Variants in DYSF observed in about 807,000 individuals in gnomAD.
DYSF encodes the protein dysferlin.
Under a neutral mutation model 274.9 loss-of-function variants are expected in DYSF, and 212 were observed. That is an observed-to-expected ratio of 0.77 (90% CI 0.69 to 0.86). The LOEUF (loss-of-function observed/expected upper bound fraction) is 0.86. Ranked by LOEUF, DYSF falls within the 40% of genes least tolerant of loss-of-function variation. The pLI, the probability that DYSF is intolerant of heterozygous loss-of-function variation, is 0.00. For synonymous variants in DYSF, 1,091 were observed against 1,078.7 expected, an observed-to-expected ratio of 1.01 and a Z score of -0.22; for missense variants, 2,666 against 2,783.2, an observed-to-expected ratio of 0.96 and a Z score of 0.95.
chr2:71,490,370 G>T (rs576067794), intron 3 of DYSF, among the ~76,000 whole-genome samples: 1 of 151,978 alleles, frequency 6.6e-6, no homozygotes, highest in African/African-American at 2.4e-5. Context: ...ACAGAGTTTC[G>T]CTCTCGTTGC....
At chr2:71,517,616 T>G (rs1298697011) in intron 10 of DYSF, among the ~76,000 whole-genome samples, 1 of 152,148 alleles carries the variant, frequency 6.6e-6, no homozygotes, top group Non-Finnish European at 1.5e-5. Context: ...CTCATATTTT[T>G]ATGACAGGAA....
chr2:71,652,116 G>T (rs1325440812), intron 42 of DYSF, among the ~76,000 whole-genome samples: 1 of 152,156 alleles, frequency 6.6e-6, no homozygotes, highest in Non-Finnish European at 1.5e-5. Context: ...TTTGTCTGGG[G>T]AGAGAGTCCA....
chr2:71,586,973 G>A (rs956949521), intron 30 of DYSF, among the ~76,000 whole-genome samples: 6 of 152,154 alleles, frequency 3.9e-5, no homozygotes, highest in Non-Finnish European at 7.4e-5. Context: ...ACCCCTTACC[G>A]GTGCCCCAGC....
At chr2:71,493,286 C>A (rs1335470131) in intron 3 of DYSF, among the ~76,000 whole-genome samples, 2 of 152,192 alleles carry the variant, frequency 1.3e-5, no homozygotes, top group African/African-American at 4.8e-5. Context: ...TTCCCTCTCC[C>A]CCAGTGCGGG....
chr2:71,681,032 C>T lies in DYSF; in HGVS notation c.6095C>T (p.Ala2032Val). The T allele has an allele frequency of 1.9e-6, 3 of 1,614,184 alleles. No homozygotes were observed. The highest frequency in any genetic ancestry group is 1.6e-4 in the Middle Eastern group (1 of 6,062). Residue 2032 changes from alanine to valine, a missense_variant, in exon 54 of 56, where the codon GCA becomes GTA. By Grantham distance (64) the Ala-to-Val change is moderately conservative (BLOSUM62 0). Around this residue, in one of 3 missense-constraint regions of DYSF, gnomAD observed 1,460 missense variants for 1,502.1 expected, o/e 0.97. Coordinates refer to ENST00000410020, the MANE Select transcript of DYSF (RefSeq NM_001130987.2). ...CTGGAAATGACCTTGGAGATTGTAG[C>T]AGAGAGTGAGCATGAGGAGCGGCCT... is the stretch of plus-strand genomic sequence containing the variant. ...GKLEMTLEIV[A>V]ESEHEERPAG...
rs565167772 is a variant in DYSF, at chr2:71,527,150, G to A, written c.1276+804G>A. On this transcript the variant is annotated intron_variant, in intron 13 of 55. Coordinates refer to ENST00000410020, the MANE Select transcript of DYSF (RefSeq NM_001130987.2). Reference sequence around the variant, plus strand: ...CACCTCCAGCGTTTTAGATTGACTCGAGTTAGGGCAGGGCTCAGCATTGGT... The same window carrying A: ...CACCTCCAGCGTTTTAGATTGACTCAAGTTAGGGCAGGGCTCAGCATTGGT... Among the ~76,000 whole-genome samples, 24 of 152,110 alleles carry A rather than the reference G, an allele frequency of 1.6e-4. No individual in the cohort carries two copies. The South Asian group carries it at 5.0e-3, about 32-fold the overall frequency.
At chr2:71,583,043 C>CAAAAAA (rs143738269) in intron 30 of DYSF, among the ~76,000 whole-genome samples, 2 of 49,928 alleles carry the variant, frequency 4.0e-5, no homozygotes, top group South Asian at 1.1e-3. Flanking sequence ...GACTCCATCT[C>CAAAAAA]AAAAAAAAAA....
chr2:71,598,545 C>T lies in DYSF; in HGVS notation c.3575-19C>T, dbSNP rs980073933. ...CCCTGCTGTGTCCTGTCTCCCCTCC[C>T]CCTCTCCGGCCCATGCAGATCCCTA... On this transcript the variant is annotated intron_variant, in intron 32 of 55. Coordinates refer to ENST00000410020, the MANE Select transcript of DYSF (RefSeq NM_001130987.2). 6.2e-7 allele frequency: 1 copy of T among 1,614,136 alleles called. No homozygotes were observed. The highest frequency in any genetic ancestry group is 1.3e-5 in the African/African-American group (1 of 75,066).
chr2:71,642,650 T>C (rs1376903662), intron 41 of DYSF, among the ~76,000 whole-genome samples: 1 of 152,206 alleles, frequency 6.6e-6, no homozygotes, highest in East Asian at 1.9e-4. Flanking sequence ...CTCACTCTGG[T>C]ACACGTTCCC....
At chr2:71,618,765 TGTGA>T (rs1311479004) in intron 40 of DYSF, among the ~76,000 whole-genome samples, 4 of 151,422 alleles carry the variant, frequency 2.6e-5, no homozygotes, top group Non-Finnish European at 4.4e-5. Flanking sequence ...TGTGTGTCCG[TGTGA>T]GTGTGTTTTT....
intron 30 of DYSF, among the ~76,000 whole-genome samples, chr2:71,575,366 G>A (rs775375285): frequency 5.3e-5 from 8 of 152,320 alleles, no homozygotes; most frequent in East Asian, 1.9e-4. Flanking sequence ...GCCTGAGGAC[G>A]TCAGAGGAGC....
intron 36 of DYSF, among the ~76,000 whole-genome samples, chr2:71,609,217 T>A (rs2093702598): frequency 6.6e-6 from 1 of 152,192 alleles, no homozygotes; most frequent in Admixed American, 6.5e-5. Context: ...GTGACATGCA[T>A]AGCAGCCCCT....
chr2:71,598,863 C>G, intron 33 of DYSF, 118 bp downstream of exon 33: 1 of 1,191,164 alleles, frequency 8.4e-7, no homozygotes, highest in East Asian at 2.5e-5. Context: ...TCCACGGGCC[C>G]TAGAACAATT....
At chr2:71,570,531 T>C in intron 28 of DYSF, 68 bp from the exon 29 acceptor site, 18 of 1,595,412 alleles carry the variant, frequency 1.1e-5, no homozygotes, top group Non-Finnish European at 1.5e-5. Flanking sequence ...TGCCCCAAAT[T>C]CAGAGATGGT....
intron 3 of DYSF, among the ~76,000 whole-genome samples, chr2:71,495,087 G>A (rs115278426): frequency 1.3e-5 from 2 of 152,134 alleles, no homozygotes; most frequent in Admixed American, 6.5e-5. Context: ...AGGCACATGT[G>A]GGGGGTGATA....
chr2:71,586,275 C>T (rs368320618), intron 30 of DYSF, among the ~76,000 whole-genome samples: 9 of 152,240 alleles, frequency 5.9e-5, no homozygotes, highest in African/African-American at 2.2e-4. Flanking sequence ...AGTGGCTTCC[C>T]TCAGCCTGGC....
Position 71,658,914 on chromosome 2 carries a change from G to A in DYSF, c.4792G>A (p.Ala1598Thr), listed in dbSNP as rs146213322. 74 of 1,614,108 alleles carry A rather than the reference G, an allele frequency of 4.6e-5. No homozygotes were observed. The African/African-American group carries it at 8.7e-4, about 19-fold the overall frequency. The part of the protein sequence containing the change: ...FKIYPLPEDP[A>T]IPMPPRQFHQ... ...AATTTATCCCCTCCCAGAAGACCCA[G>A]CCATCCCCATGCCCCCAAGACAGTT... The change falls in exon 44 of 56, where the codon GCC becomes ACC. Residue 1598 changes from alanine to threonine, a missense_variant. Ala to Thr is a moderately conservative substitution (Grantham distance 58). This residue lies in a region of DYSF where 1,460 missense variants were observed against 1,502.1 expected (regional missense o/e 0.97). Coordinates refer to ENST00000410020, the MANE Select transcript of DYSF (RefSeq NM_001130987.2).
chr2:71,574,684 G>A (rs964780031), intron 30 of DYSF, among the ~76,000 whole-genome samples: 1 of 152,260 alleles, frequency 6.6e-6, no homozygotes, highest in Non-Finnish European at 1.5e-5. Context: ...GCTGGCTGGT[G>A]TGAAGATGGG....
At chr2:71,608,563 C>T (rs750222088) in intron 36 of DYSF, among the ~76,000 whole-genome samples, 12 of 152,094 alleles carry the variant, frequency 7.9e-5, no homozygotes, top group Admixed American at 2.6e-4. Context: ...CCGCTGGGCC[C>T]GACGCTCCGC....
Sources: gnomAD v4.1 joint callset for allele counts (sites outside exome capture counted in the v4.1 genomes callset) on GRCh38, gnomAD v4.1.1 for gene constraint, gnomAD v4.1.1 regional missense constraint, MANE v1.5 for transcripts, NCBI Gene and HGNC (gene_info 2026-07-23, HGNC 2026-07-21) for gene names.